DST: variants seen among roughly 807,000 people sequenced by gnomAD.
DST encodes bullous pemphigoid antigen.
In DST, 253 loss-of-function variants were observed where a neutral mutation model predicts 875.2. The ratio of observed to expected loss-of-function variants is 0.29; its 90% confidence interval spans 0.26 to 0.32. The LOEUF (loss-of-function observed/expected upper bound fraction) is 0.32, where lower values mean the gene tolerates loss of function less well. Among genes scored for constraint, DST ranks in the 10% least tolerant of loss-of-function variants. The pLI is 1.00. For missense variants in DST, 8,287 were observed against 9,111.6 expected (o/e 0.91, Z 3.68); for synonymous variants, 3,124 against 3,197.1 (o/e 0.98, Z 0.77).
intron 19 of DST, 71 bp downstream of exon 19, chr6:56,639,858 A>G: frequency 6.3e-7 from 1 of 1,587,726 alleles, no homozygotes; most frequent in Non-Finnish European, 8.6e-7. Flanking sequence ...ATTGATTTAC[A>G]GGGTCTTCAT....
intron 4 of DST, among the ~76,000 whole-genome samples, chr6:56,834,597 C>CAAA (rs34195706): frequency 7.6e-5 from 11 of 144,268 alleles, no homozygotes; most frequent in South Asian, 2.2e-4. Context: ...ACTCCAACTC[C>CAAA]AAAAAAAAAA....
intron 3 of DST, among the ~76,000 whole-genome samples, chr6:56,853,633 G>A (rs1003496599): frequency 2.0e-4 from 30 of 152,140 alleles, no homozygotes; most frequent in African/African-American, 7.2e-4. Flanking sequence ...AACTGTTAAA[G>A]AACTGCTCCT....
rs1333730917 is a variant in DST, at chr6:56,528,940, A to G, written c.17596-15T>C. The G allele has an allele frequency of 9.8e-6, 15 of 1,534,874 alleles. No individual in the cohort carries two copies. Among genetic ancestry groups the G allele is most frequent in the Non-Finnish European group, 1.3e-5 (15 of 1,124,024 alleles). On this transcript the variant is annotated splice_polypyrimidine_tract_variant and intron_variant, in intron 66 of 103. Transcript: ENST00000680361. ...TCTTGCAGAACCTGAAAACACAGGT[A>G]CCATTTTTATGTGGGGGGAAAAACA... is the stretch of plus-strand genomic sequence containing the variant.
At chr6:56,560,906 G>C (rs986295335) in intron 57 of DST, among the ~76,000 whole-genome samples, 1 of 152,038 alleles carries the variant, frequency 6.6e-6, no homozygotes, top group Non-Finnish European at 1.5e-5. Flanking sequence ...CCCAACCTTG[G>C]CAGCTGTAGA....
intron 4 of DST, chr6:56,843,624 G>A (rs1481710049): frequency 1.0e-5 from 10 of 984,164 alleles, no homozygotes; most frequent in Non-Finnish European, 1.2e-5. Flanking sequence ...TGCCTTCACC[G>A]GGGATGCTGC....
intron 26 of DST, 88 bp from the exon 27 acceptor site, chr6:56,634,346 C>A: frequency 6.2e-7 from 1 of 1,606,768 alleles, no homozygotes; most frequent in Admixed American, 1.7e-5. Context: ...AAATATTCCA[C>A]GGATGAGTTC....
At chr6:56,651,653 T>C (rs1394100645) in intron 10 of DST, among the ~76,000 whole-genome samples, 2 of 152,184 alleles carry the variant, frequency 1.3e-5, no homozygotes, top group African/African-American at 4.8e-5. Flanking sequence ...GGCCTCCCCA[T>C]TGCACCATAC....
chr6:56,811,089 TG>T (rs1002527509), intron 4 of DST, among the ~76,000 whole-genome samples: 13 of 138,302 alleles, frequency 9.4e-5, no homozygotes, highest in African/African-American at 3.6e-4. Context: ...GAGGCTGAGG[TG>T]GGAGGATCAC....
chr6:56,928,894 C>A (rs1808640204), intron 2 of DST, among the ~76,000 whole-genome samples: 1 of 151,596 alleles, frequency 6.6e-6, no homozygotes, highest in South Asian at 2.1e-4. Context: ...AAAACTCTGC[C>A]AAAAAAGAAG....
chr6:56,715,167 A>G lies in DST; in HGVS notation c.688-10798T>C, dbSNP rs568571684. On this transcript the variant is annotated intron_variant, in intron 5 of 103. Coordinates refer to ENST00000680361, the MANE Select transcript of DST (RefSeq NM_001374736.1). ...TTGAATGCCTGCCGGATCACAGGGAAAAAAACAGAAACTCAGGAAATGGAT... is the reference window on the plus strand; with the variant it reads ...TTGAATGCCTGCCGGATCACAGGGAGAAAAACAGAAACTCAGGAAATGGAT... Among the ~76,000 whole-genome samples the G allele has an allele frequency of 1.1e-4, 17 of 152,302 alleles. No homozygotes were observed. In the East Asian group the frequency reaches 3.1e-3, roughly 28 times the overall value.
intron 69 of DST, among the ~76,000 whole-genome samples, chr6:56,526,019 ATTAGAC>A: frequency 6.6e-6 from 1 of 152,378 alleles, no homozygotes; most frequent in Non-Finnish European, 1.5e-5. Context: ...TCACATACAG[ATTAGAC>A]TTAGTCAATA....
intron 49 of DST, among the ~76,000 whole-genome samples, chr6:56,590,973 C>A (rs2098262609): frequency 6.6e-6 from 1 of 152,202 alleles, no homozygotes; most frequent in East Asian, 1.9e-4. Context: ...GCTAACAGCA[C>A]AATTTTTCGA....
Position 56,576,132 on chromosome 6 carries a change from G to A in DST, c.13028-2245C>T, listed in dbSNP as rs114620891. Among the ~76,000 whole-genome samples, 828 of 152,260 alleles carry A rather than the reference G, an allele frequency of 5.4e-3. 4 individuals are homozygous for A. The highest frequency in any genetic ancestry group is 0.019 in the African/African-American group (779 of 41,546). ...CTGCCATAAAAACCCAATAGGATTC[G>A]TCTGGGGAGCTTCTGAATAGCTGAA... On this transcript the variant is annotated intron_variant, in intron 50 of 103. Transcript: ENST00000680361.
intron 4 of DST, among the ~76,000 whole-genome samples, chr6:56,834,387 A>G (rs1239248962): frequency 1.3e-5 from 2 of 152,204 alleles, no homozygotes; most frequent in Admixed American, 6.5e-5. Context: ...TCACAAGGTC[A>G]GGAGTTTGAA....
chr6:56,951,349 T>C (rs940571390), intron 2 of DST, among the ~76,000 whole-genome samples: 20 of 152,210 alleles, frequency 1.3e-4, no homozygotes, highest in Admixed American at 1.2e-3. Context: ...ACTAAATTCT[T>C]AGTTCAATAT....
chr6:56,944,141 C>T (rs138058917), intron 2 of DST, among the ~76,000 whole-genome samples: 181 of 152,148 alleles, frequency 1.2e-3, no homozygotes, highest in African/African-American at 4.0e-3. Context: ...AAATAAGATA[C>T]AATATGAAAA....
At chr6:56,555,955 G>T (rs1185216521) in intron 59 of DST, 115 bp from the exon 60 acceptor site, 4 of 1,107,902 alleles carry the variant, frequency 3.6e-6, no homozygotes, top group Admixed American at 6.6e-5. Context: ...TTGTTTTTTA[G>T]TTATCACTTT....
At chr6:56,749,924 C>T (rs1051402476) in intron 4 of DST, among the ~76,000 whole-genome samples, 4 of 152,144 alleles carry the variant, frequency 2.6e-5, no homozygotes, top group Non-Finnish European at 5.9e-5. Context: ...ACAGGATCAC[C>T]ATGCATGCCC....
At chr6:56,848,355 C>A (rs551405274) in intron 4 of DST, among the ~76,000 whole-genome samples, 1 of 152,328 alleles carries the variant, frequency 6.6e-6, no homozygotes, top group South Asian at 2.1e-4. Context: ...ACTAAACTCT[C>A]AGCTCTTTTA....
Sources: gnomAD v4.1 joint callset for allele counts (sites outside exome capture counted in the v4.1 genomes callset) on GRCh38, gnomAD v4.1.1 for gene constraint, MANE v1.5 for transcripts, NCBI Gene and HGNC (gene_info 2026-07-23, HGNC 2026-07-21) for gene names.